Variants in WDR89 observed in about 807,000 individuals in gnomAD.
WDR89 encodes WD repeat-containing protein 89.
WDR89 carries 17 observed loss-of-function variants against 29.1 expected under a neutral mutation model. The observed-to-expected ratio is 0.58, with a 90% CI of 0.40 to 0.88. The LOEUF is 0.88. Ranked by LOEUF, WDR89 falls within the 40% of genes least tolerant of loss-of-function variation. The pLI is 0.00. For synonymous variants in WDR89, 138 were observed against 157.8 expected (o/e 0.87, Z 0.94); for missense variants, 396 against 456.3 (o/e 0.87, Z 1.20).
chr14:63,613,255 A>G (rs938194820), intron 2 of WDR89, among the ~76,000 whole-genome samples: 2 of 152,130 alleles, frequency 1.3e-5, no homozygotes, highest in Admixed American at 6.6e-5. Flanking sequence ...GATCTGAAAC[A>G]TGTAGTTTTA....
At chr14:63,626,423 C>T (rs1010431240) in intron 1 of WDR89, among the ~76,000 whole-genome samples, 3 of 151,846 alleles carry the variant, frequency 2.0e-5, no homozygotes, top group African/African-American at 4.8e-5. Context: ...GTAATCCCAG[C>T]GCTTTGGGAG....
chr14:63,603,637 T>C (rs896739363), intron 2 of WDR89, among the ~76,000 whole-genome samples: 1 of 152,250 alleles, frequency 6.6e-6, no homozygotes, highest in African/African-American at 2.4e-5. Context: ...ATCGCTTTGT[T>C]GCTTTTTGAT....
intron 2 of WDR89, among the ~76,000 whole-genome samples, chr14:63,623,278 G>C (rs1284938595): frequency 6.8e-6 from 1 of 147,938 alleles, no homozygotes; most frequent in Non-Finnish European, 1.5e-5. Flanking sequence ...ATATTAAACA[G>C]TAAATTCACA....
At chr14:63,619,978 C>A (rs1458881861) in intron 2 of WDR89, among the ~76,000 whole-genome samples, 1 of 132,784 alleles carries the variant, frequency 7.5e-6, no homozygotes, top group Non-Finnish European at 1.5e-5. Context: ...GCACTCCAGG[C>A]TGGGTGACAG....
chr14:63,609,677 C>G (rs921139277), intron 2 of WDR89, among the ~76,000 whole-genome samples: 11 of 152,028 alleles, frequency 7.2e-5, no homozygotes, highest in Non-Finnish European at 1.2e-4. Flanking sequence ...ATAATCCCAG[C>G]TACATGGGAG....
chr14:63,616,639 G>A (rs1196292403), intron 2 of WDR89, among the ~76,000 whole-genome samples: 3 of 152,194 alleles, frequency 2.0e-5, no homozygotes, highest in Non-Finnish European at 4.4e-5. Context: ...GTAGGCCAGT[G>A]CAGCTAAAGT....
At chr14:63,609,724 A>G (rs1411952024) in intron 2 of WDR89, among the ~76,000 whole-genome samples, 1 of 152,094 alleles carries the variant, frequency 6.6e-6, no homozygotes, top group African/African-American at 2.4e-5. Context: ...TGGAAGGTGG[A>G]GGTTACAGTG....
chr14:63,605,181 T>TATAC (rs1555373918), intron 2 of WDR89, among the ~76,000 whole-genome samples: 1 of 131,536 alleles, frequency 7.6e-6, no homozygotes, highest in Non-Finnish European at 1.5e-5. Flanking sequence ...TATATATATA[T>TATAC]ACACACACAC....
At chr14:63,600,074 A>G in intron 2 of WDR89, 101 bp from the exon 3 acceptor site, 1 of 640,882 alleles carries the variant, frequency 1.6e-6, no homozygotes, top group Non-Finnish European at 2.4e-6. Flanking sequence ...AATTAAATCA[A>G]GAACATTTTC....
At chr14:63,622,065 A>G (rs1882730312) in intron 2 of WDR89, among the ~76,000 whole-genome samples, 1 of 152,178 alleles carries the variant, frequency 6.6e-6, no homozygotes, top group South Asian at 2.1e-4. Context: ...TTCCTTTTAA[A>G]TTTTTCCTTG....
chr14:63,607,169 A>G (rs978359706), intron 2 of WDR89, among the ~76,000 whole-genome samples: 6 of 152,064 alleles, frequency 3.9e-5, no homozygotes, highest in Non-Finnish European at 8.8e-5. Flanking sequence ...TTTCTCTTTA[A>G]AACTTTTTTT....
chr14:63,623,876 C>T (rs950037119), intron 2 of WDR89, among the ~76,000 whole-genome samples: 3 of 151,480 alleles, frequency 2.0e-5, no homozygotes, highest in African/African-American at 7.3e-5. Context: ...AAACATAAAG[C>T]CATAGATAGG....
At chr14:63,633,438 A>G (rs992699589) in intron 1 of WDR89, among the ~76,000 whole-genome samples, 2 of 152,102 alleles carry the variant, frequency 1.3e-5, no homozygotes, top group African/African-American at 4.8e-5. Context: ...CTGACACTGG[A>G]TAGTTTATAA....
chr14:63,619,598 T>A (rs1882542945), intron 2 of WDR89, among the ~76,000 whole-genome samples: 1 of 151,974 alleles, frequency 6.6e-6, no homozygotes, highest in Non-Finnish European at 1.5e-5. Flanking sequence ...CTAAAATAAT[T>A]ATGAATTGGT....
chr14:63,628,245 A>C (rs1883193394), intron 1 of WDR89, among the ~76,000 whole-genome samples: 1 of 152,220 alleles, frequency 6.6e-6, no homozygotes, highest in Admixed American at 6.5e-5. Flanking sequence ...TCTCAAAAAA[A>C]ATCTAAAATA....
chr14:63,632,695 T>C (rs1318117724), intron 1 of WDR89, among the ~76,000 whole-genome samples: 5 of 151,802 alleles, frequency 3.3e-5, no homozygotes, highest in Admixed American at 6.6e-5. Flanking sequence ...TACAGAATGA[T>C]AGCAGATGAA....
intron 2 of WDR89, among the ~76,000 whole-genome samples, chr14:63,608,640 A>C (rs1881748861): frequency 6.6e-6 from 1 of 151,056 alleles, no homozygotes; most frequent in Admixed American, 6.6e-5. Context: ...GAAGTATCTC[A>C]ACAAAAACCA....
intron 2 of WDR89, among the ~76,000 whole-genome samples, chr14:63,619,863 G>C (rs1413380358): frequency 6.6e-6 from 1 of 151,948 alleles, no homozygotes; most frequent in Admixed American, 6.6e-5. Flanking sequence ...AAATTAGCTG[G>C]ACATGGTAGC....
chr14:63,609,697 GGA>G (rs1052540839), intron 2 of WDR89, among the ~76,000 whole-genome samples: 2 of 152,000 alleles, frequency 1.3e-5, no homozygotes, highest in African/African-American at 4.8e-5. Context: ...GGCTGAGGCA[GGA>G]GAATTGCTTA....
Sources: allele counts gnomAD v4.1 joint callset (sites outside exome capture counted in the v4.1 genomes callset), GRCh38; gene constraint gnomAD v4.1.1; transcripts MANE v1.5; gene names NCBI Gene and HGNC (gene_info 2026-07-23, HGNC 2026-07-21).